TRAM2: variants seen among roughly 807,000 people sequenced by gnomAD.
The protein encoded by TRAM2 is translocating chain-associated membrane protein 2.
TRAM2 carries 12 observed loss-of-function variants against 51.0 expected under a neutral mutation model. The observed-to-expected ratio is 0.24, with a 90% CI of 0.15 to 0.38. The LOEUF is 0.38. TRAM2 is among the 10% of genes least tolerant of loss of function. TRAM2 has a pLI of 1.00. For synonymous variants in TRAM2, 175 were observed against 179.4 expected (o/e 0.98, Z 0.20); for missense variants, 361 against 462.0 (o/e 0.78, Z 2.00).
intron 4 of TRAM2, among the ~76,000 whole-genome samples, chr6:52,512,153 T>C (rs775203423): frequency 1.3e-5 from 2 of 152,130 alleles, no homozygotes; most frequent in Non-Finnish European, 2.9e-5. Flanking sequence ...ATGGTACTTC[T>C]GAAACTGAGG....
At chr6:52,508,193 C>A in intron 6 of TRAM2, 41 bp downstream of exon 6, 1 of 1,590,722 alleles carries the variant, frequency 6.3e-7, no homozygotes, top group South Asian at 1.1e-5. Context: ...GGGGAGTGGT[C>A]AATGAATGGC....
chr6:52,575,321 C>G (rs1265758799), intron 1 of TRAM2, among the ~76,000 whole-genome samples: 3 of 152,174 alleles, frequency 2.0e-5, no homozygotes, highest in African/African-American at 7.2e-5. Flanking sequence ...GGATATGACT[C>G]TGTGTGACAC....
chr6:52,511,892 C>G (rs978307651), intron 4 of TRAM2, among the ~76,000 whole-genome samples: 1 of 152,122 alleles, frequency 6.6e-6, no homozygotes, highest in Non-Finnish European at 1.5e-5. Context: ...CACTACCACT[C>G]TCTCCTCCCT....
At chr6:52,506,453 TA>T (rs1161345605) in intron 7 of TRAM2, among the ~76,000 whole-genome samples, 9 of 152,150 alleles carry the variant, frequency 5.9e-5, no homozygotes, top group African/African-American at 2.2e-4. Context: ...TGGAACCAAG[TA>T]CATAAAAGGT....
At chr6:52,536,547 G>C (rs1451356903) in intron 1 of TRAM2, among the ~76,000 whole-genome samples, 1 of 152,202 alleles carries the variant, frequency 6.6e-6, no homozygotes, top group African/African-American at 2.4e-5. Flanking sequence ...TTGAAGGTTG[G>C]ACTCAAGAAT....
At chr6:52,573,746 G>A (rs1313976374) in intron 1 of TRAM2, among the ~76,000 whole-genome samples, 2 of 152,144 alleles carry the variant, frequency 1.3e-5, no homozygotes, top group African/African-American at 2.4e-5. Context: ...GGTCCCTAAC[G>A]GGGAAACAGA....
chr6:52,516,914 T>G, intron 2 of TRAM2, 177 bp from the exon 3 acceptor site: 1 of 605,710 alleles, frequency 1.7e-6, no homozygotes, highest in Non-Finnish European at 2.9e-6. Flanking sequence ...GTCTTAGCAC[T>G]TGGAAGCACC....
chr6:52,525,866 G>A (rs993212847), intron 2 of TRAM2, among the ~76,000 whole-genome samples: 5 of 152,100 alleles, frequency 3.3e-5, no homozygotes, highest in African/African-American at 9.7e-5. Context: ...GGTGGGACCT[G>A]TTTCAATATG....
intron 2 of TRAM2, among the ~76,000 whole-genome samples, chr6:52,528,007 C>G (rs944319053): frequency 6.6e-6 from 1 of 152,208 alleles, no homozygotes; most frequent in Non-Finnish European, 1.5e-5. Context: ...TTCATACAAA[C>G]AGAACCTCAG....
At chr6:52,548,949 CTG>C (rs1354989647) in intron 1 of TRAM2, among the ~76,000 whole-genome samples, 9 of 152,132 alleles carry the variant, frequency 5.9e-5, no homozygotes, top group Non-Finnish European at 1.3e-4. Flanking sequence ...TGGACCTTCT[CTG>C]AGAAGATTTC....
At chr6:52,560,613 T>A (rs1767483183) in intron 1 of TRAM2, among the ~76,000 whole-genome samples, 2 of 152,236 alleles carry the variant, frequency 1.3e-5, no homozygotes. Context: ...AGGAGCTGTG[T>A]CCTGTGTCCC....
At chr6:52,553,710 A>G (rs1437439336) in intron 1 of TRAM2, among the ~76,000 whole-genome samples, 2 of 152,302 alleles carry the variant, frequency 1.3e-5, no homozygotes, top group East Asian at 3.9e-4. Flanking sequence ...CAAAATCCCA[A>G]TTCTGCCCTC....
chr6:52,543,349 C>T (rs1767139830), intron 1 of TRAM2, among the ~76,000 whole-genome samples: 1 of 152,170 alleles, frequency 6.6e-6, no homozygotes, highest in Non-Finnish European at 1.5e-5. Context: ...TTTAAATGCT[C>T]AGGCAAAATA....
At position 52,576,693 on chromosome 6, in the gene TRAM2, G is replaced by A. The variant is rs1767772352; in HGVS notation, c.120+103C>T. ...GTGCAGATAACGTACACGGCAGCCA[G>A]GAGCCTCCGATCAGAGGAGGGCCCG... On this transcript the variant is annotated intron_variant, in intron 1 of 10. Transcript: ENST00000182527. 3 of 1,451,036 alleles carry A rather than the reference G, an allele frequency of 2.1e-6. No homozygotes were observed. In the South Asian group the frequency reaches 3.8e-5, roughly 19 times the overall value. The allele number at this position is 1,451,036 out of a possible 1,614,324, so 89.9% of individuals were successfully genotyped here.
At chr6:52,523,014 C>T in intron 2 of TRAM2, 1 of 673,424 alleles carries the variant, frequency 1.5e-6, no homozygotes, top group Non-Finnish European at 2.7e-6. Context: ...CCATCTGCTT[C>T]TGAGAACTCA....
chr6:52,546,864 C>T (rs1378755650), intron 1 of TRAM2, among the ~76,000 whole-genome samples: 1 of 152,158 alleles, frequency 6.6e-6, no homozygotes, highest in Non-Finnish European at 1.5e-5. Flanking sequence ...ATGTGAGCAG[C>T]CCGTGACCAG....
At chr6:52,567,944 C>G (rs1581703832) in intron 1 of TRAM2, among the ~76,000 whole-genome samples, 1 of 152,162 alleles carries the variant, frequency 6.6e-6, no homozygotes, top group Non-Finnish European at 1.5e-5. Context: ...GGGAAAGGTG[C>G]CTCTCTCCTT....
Position 52,504,651 on chromosome 6 carries a change from C to T in TRAM2, c.979G>A (p.Ala327Thr). 6.2e-7 allele frequency: 1 copy of T among 1,613,936 alleles called. No homozygotes were observed. Among genetic ancestry groups the T allele is most frequent in the Non-Finnish European group, 8.5e-7 (1 of 1,180,014 alleles). ...GGTGTGGCTGGGACTCTCCGCTTTG[C>T]ACTCTGCTCATTCCAGTATTCCCGC... The part of the protein sequence containing the change: ...HWREYWNEQS[A>T]KRRVPATPRL... The change falls in exon 10 of 11, where the codon GCA (alanine) becomes ACA (threonine). Residue 327 changes from alanine (A) to threonine (T), a missense_variant. Coordinates refer to ENST00000182527, the MANE Select transcript of TRAM2 (RefSeq NM_012288.4).
chr6:52,522,453 C>T (rs890463428), intron 2 of TRAM2, among the ~76,000 whole-genome samples: 1 of 152,272 alleles, frequency 6.6e-6, no homozygotes, highest in African/African-American at 2.4e-5. Context: ...TTTAAAAACA[C>T]TGCATGGGCC....
Sources: gnomAD v4.1 joint callset for allele counts (sites outside exome capture counted in the v4.1 genomes callset) on GRCh38, gnomAD v4.1.1 for gene constraint, MANE v1.5 for transcripts, NCBI Gene and HGNC (gene_info 2026-07-23, HGNC 2026-07-21) for gene names.